CDH12: variants seen among roughly 807,000 people sequenced by gnomAD.
CDH12 encodes the protein cadherin 12, also known as cadherin-12.
CDH12 carries 41 observed loss-of-function variants against 74.1 expected under a neutral mutation model. The ratio of observed to expected loss-of-function variants is 0.55; its 90% CI spans 0.43 to 0.72. The LOEUF is 0.72. Ranked by LOEUF, CDH12 falls within the 30% of genes least tolerant of loss-of-function variation. CDH12 has a pLI of 0.00. For synonymous variants in CDH12, 399 were observed against 355.0 expected, an observed-to-expected ratio of 1.12 and a Z score of -1.39; for missense variants, 945 against 977.2, an observed-to-expected ratio of 0.97 and a Z score of 0.44.
At chr5:22,466,765 T>C (rs1175614364) in intron 2 of CDH12, among the ~76,000 whole-genome samples, 1 of 141,804 alleles carries the variant, frequency 7.1e-6, no homozygotes, top group East Asian at 2.2e-4. Context: ...GAGGCATGGC[T>C]CCTCAGGAAT....
chr5:21,941,624 A>G (rs1327045964), intron 6 of CDH12, among the ~76,000 whole-genome samples: 1 of 151,944 alleles, frequency 6.6e-6, no homozygotes, highest in Non-Finnish European at 1.5e-5. Flanking sequence ...TATTTGGACC[A>G]CAACTTATAG....
chr5:22,368,196 AT>A (rs1561349467), intron 3 of CDH12, among the ~76,000 whole-genome samples: 2 of 152,122 alleles, frequency 1.3e-5, no homozygotes, highest in African/African-American at 4.8e-5. Context: ...TTTAAATTTA[AT>A]TTTTTTCAGC....
At chr5:22,038,445 T>A (rs562599396) in intron 5 of CDH12, among the ~76,000 whole-genome samples, 11 of 152,236 alleles carry the variant, frequency 7.2e-5, no homozygotes, top group Admixed American at 6.5e-4. Flanking sequence ...CACTGCTGCA[T>A]CCTGCACATC....
At chr5:22,247,382 G>A (rs7713306) in intron 3 of CDH12, among the ~76,000 whole-genome samples, 4,171 of 152,204 alleles carry the variant, frequency 0.027, 85 homozygotes, top group South Asian at 0.094. Flanking sequence ...TGGGATTAAA[G>A]AAAACTATTT....
At chr5:22,526,237 T>TA (rs921948923) in intron 1 of CDH12, among the ~76,000 whole-genome samples, 4 of 152,112 alleles carry the variant, frequency 2.6e-5, no homozygotes, top group African/African-American at 4.8e-5. Context: ...CTTCAGGAAT[T>TA]AAAAAAACCC....
chr5:22,163,604 A>T (rs1025305042), intron 4 of CDH12, among the ~76,000 whole-genome samples: 5 of 152,166 alleles, frequency 3.3e-5, no homozygotes, highest in African/African-American at 1.2e-4. Context: ...AATATTCATA[A>T]TTTGAACATT....
At position 21,854,657 on chromosome 5, in the gene CDH12, A is replaced by G; in HGVS notation, c.646+14T>C. 6.3e-7 allele frequency: 1 copy of G among 1,588,704 alleles called. No individual in the cohort carries two copies. On this transcript the variant is annotated intron_variant, in intron 7 of 14. Transcript: ENST00000382254. ...AAGGGCTGGTGATAATGTTGCCTCT[A>G]ATAAAAAATTTACCTGTCTTGGGAT...
rs964950525 is a variant in CDH12, at chr5:22,736,603, CA to C, written c.-523+116454del. Among the ~76,000 whole-genome samples the C allele has an allele frequency of 4.7e-5, 7 of 150,180 alleles. No individual in the cohort carries two copies. In the East Asian group the frequency reaches 5.9e-4, roughly 13 times the overall value. ...TTATTTTAATTGAGGGATACGTTTT[CA>C]AAAAAAATGCTATGAATATTTTTCC... On this transcript the variant is annotated intron_variant, in intron 1 of 14. Coordinates refer to ENST00000382254, the MANE Select transcript of CDH12 (RefSeq NM_004061.5).
chr5:21,864,788 G>A (rs1158543581), intron 6 of CDH12, among the ~76,000 whole-genome samples: 1 of 152,130 alleles, frequency 6.6e-6, no homozygotes, highest in Admixed American at 6.5e-5. Flanking sequence ...TTCTGGTGAG[G>A]GCTCAGAAGA....
chr5:22,635,653 A>C (rs138842313), intron 1 of CDH12, among the ~76,000 whole-genome samples: 56 of 152,260 alleles, frequency 3.7e-4, no homozygotes, highest in African/African-American at 1.3e-3. Context: ...CGGTGGCTCA[A>C]GCCTGTAATA....
intron 11 of CDH12, among the ~76,000 whole-genome samples, chr5:21,771,629 T>A (rs111463731): frequency 5.5e-4 from 83 of 152,214 alleles, no homozygotes; most frequent in African/African-American, 1.9e-3. Flanking sequence ...ATTATATAGA[T>A]GAAGCCTCTA....
At chr5:21,797,585 C>T (rs933147483) in intron 10 of CDH12, among the ~76,000 whole-genome samples, 2 of 151,962 alleles carry the variant, frequency 1.3e-5, no homozygotes, top group African/African-American at 2.4e-5. Context: ...TCAAGTGGGC[C>T]GACTGCGACT....
intron 8 of CDH12, among the ~76,000 whole-genome samples, chr5:21,823,815 G>T (rs1373888760): frequency 6.6e-6 from 1 of 151,972 alleles, no homozygotes; most frequent in Non-Finnish European, 1.5e-5. Context: ...AACCTTCAAA[G>T]GATCCTACAT....
chr5:21,891,572 T>TACACACACACACACAC (rs66657734), intron 6 of CDH12, among the ~76,000 whole-genome samples: 11,224 of 144,950 alleles, frequency 0.077, 562 homozygotes, highest in Non-Finnish European at 0.11. Context: ...CACACACACA[T>TACACACACACACACAC]ACACACACAC....
chr5:22,382,891 C>T (rs1455544260), intron 3 of CDH12, among the ~76,000 whole-genome samples: 1 of 151,946 alleles, frequency 6.6e-6, no homozygotes, highest in South Asian at 2.1e-4. Flanking sequence ...AGTGCAATGG[C>T]GCAATCTCAG....
At chr5:22,761,757 C>A (rs1746238554) in intron 1 of CDH12, among the ~76,000 whole-genome samples, 1 of 152,080 alleles carries the variant, frequency 6.6e-6, no homozygotes, top group Admixed American at 6.6e-5. Context: ...CAAATTATTT[C>A]TATTGTTAAA....
chr5:22,441,042 A>C, intron 2 of CDH12, among the ~76,000 whole-genome samples: 1 of 152,240 alleles, frequency 6.6e-6, no homozygotes, highest in South Asian at 2.1e-4. Flanking sequence ...ACTTCTGGTC[A>C]TTTGCTTTTA....
At chr5:22,276,742 A>G (rs1394602473) in intron 3 of CDH12, among the ~76,000 whole-genome samples, 2 of 152,158 alleles carry the variant, frequency 1.3e-5, no homozygotes, top group Non-Finnish European at 2.9e-5. Context: ...GCTGGAGCGC[A>G]GTGGCGCGAT....
chr5:21,950,875 C>T (rs906817076), intron 6 of CDH12, among the ~76,000 whole-genome samples: 3 of 150,958 alleles, frequency 2.0e-5, no homozygotes, highest in Non-Finnish European at 4.4e-5. Context: ...CAAGCTCCAC[C>T]TCCCAGGTTC....
Sources: gnomAD v4.1 joint callset for allele counts (sites outside exome capture counted in the v4.1 genomes callset) on GRCh38, gnomAD v4.1.1 for gene constraint, MANE v1.5 for transcripts, NCBI Gene and HGNC (gene_info 2026-07-23, HGNC 2026-07-21) for gene names.